MAST1: variants seen among roughly 807,000 people sequenced by gnomAD.
The protein encoded by MAST1 is microtubule-associated serine/threonine-protein kinase 1.
In MAST1, 40 loss-of-function variants were observed where a neutral mutation model predicts 124.6. The observed-to-expected ratio is 0.32, with a 90% confidence interval of 0.25 to 0.42. The LOEUF is 0.42. Ranked by LOEUF, MAST1 falls within the 10% of genes least tolerant of loss-of-function variation. The pLI, the probability that MAST1 is intolerant of heterozygous loss-of-function variation, is 1.00. For synonymous variants in MAST1, 938 were observed against 939.4 expected (o/e 1.00, Z 0.03); for missense variants, 1,558 against 2,181.9 (o/e 0.71, Z 5.70).
At position 12,873,452 on chromosome 19, in the gene MAST1, G is replaced by A; in HGVS notation, c.3392G>A (p.Gly1131Glu). 1 of 1,611,630 alleles carries A rather than the reference G, an allele frequency of 6.2e-7. No homozygotes were observed. Among genetic ancestry groups the A allele is most frequent in the Non-Finnish European group, 8.5e-7 (1 of 1,179,820 alleles). ...SDSLPGSPTHGLPARSPTHSY... is the reference protein window; with the variant it reads ...SDSLPGSPTHELPARSPTHSY... ...AGTCTCCCGGGCTCGCCTACGCACGGGCTGCCGGCGCGCTCGCCCACGCAC... is the reference window on the plus strand; with the variant it reads ...AGTCTCCCGGGCTCGCCTACGCACGAGCTGCCGGCGCGCTCGCCCACGCAC... The change falls in exon 25 of 26, where the codon GGG becomes GAG. Residue 1131 changes from glycine (G) to glutamate (E), a missense_variant. Coordinates refer to ENST00000251472, the MANE Select transcript of MAST1 (RefSeq NM_014975.3).
intron 12 of MAST1, among the ~76,000 whole-genome samples, chr19:12,859,171 C>T (rs2056001618): frequency 6.6e-6 from 1 of 152,094 alleles, no homozygotes. Context: ...CCTCCGACTC[C>T]CAGGCTCAAG....
chr19:12,864,027 C>G (rs1970118919), intron 12 of MAST1, among the ~76,000 whole-genome samples: 1 of 151,066 alleles, frequency 6.6e-6, no homozygotes, highest in Non-Finnish European at 1.5e-5. Flanking sequence ...CAGGTTCAAG[C>G]CATTCTTCTG....
At chr19:12,862,375 T>C (rs1970095079) in intron 12 of MAST1, among the ~76,000 whole-genome samples, 1 of 152,138 alleles carries the variant, frequency 6.6e-6, no homozygotes, top group South Asian at 2.1e-4. Context: ...TACTGCAGCC[T>C]TGAACTCCTG....
chr19:12,861,796 G>A (rs532013944), intron 12 of MAST1, among the ~76,000 whole-genome samples: 4 of 150,930 alleles, frequency 2.7e-5, no homozygotes, highest in East Asian at 2.0e-4. Flanking sequence ...TCCGCCTCCC[G>A]GGTTCAAGCG....
chr19:12,859,330 T>C (rs1970052337), intron 12 of MAST1, among the ~76,000 whole-genome samples: 1 of 152,184 alleles, frequency 6.6e-6, no homozygotes, highest in South Asian at 2.1e-4. Context: ...TCTGCCTGCC[T>C]GGGCCTCCCA....
In MAST1 at chr19:12,838,746, C is replaced by A; in HGVS notation, c.83+91C>A. 1.7e-6 allele frequency: 2 copies of A among 1,194,272 alleles called. No individual in the cohort carries two copies. The highest frequency in any genetic ancestry group is 1.2e-6 in the Non-Finnish European group (1 of 863,016). The allele number at this position is 1,194,272 out of a possible 1,614,324, so 74.0% of individuals were successfully genotyped here. A position where few individuals can be genotyped will look rare whatever the true frequency, so the allele number is the denominator to read the frequency against. ...CTGCAGGGCGGGGCCCGGGATGCTGCGCCCGGTCCAGCTGCGCCAGAGGTG... is the reference window on the plus strand; with the variant it reads ...CTGCAGGGCGGGGCCCGGGATGCTGAGCCCGGTCCAGCTGCGCCAGAGGTG... On this transcript the variant is annotated intron_variant, in intron 1 of 25. Transcript: ENST00000251472. This position sits in a 1 kb window ranked among gnomAD's most constrained non-coding sequence, Gnocchi z 4.3.
At position 12,858,693 on chromosome 19, in the gene MAST1, C is replaced by T. The variant is rs562548025; in HGVS notation, c.1320C>T (p.Ser440=). Residue 440 remains serine, a synonymous_variant, in exon 12 of 26, where the codon TCC becomes TCT. Transcript: ENST00000251472. ...ENPFVVGMFC[S]FETRRHLCMV... is the part of the protein sequence containing the mutation. ...CGTTTGTGGTCGGCATGTTCTGCTC[C>T]TTTGAGACTCGGCGCCACCTCTGCA... is the stretch of plus-strand genomic sequence containing the variant. 64 of 1,614,230 alleles carry T rather than the reference C, an allele frequency of 4.0e-5. No homozygotes were observed. Among genetic ancestry groups the T allele is most frequent in the Admixed American group, 8.3e-5 (5 of 60,030 alleles).
At chr19:12,844,991 A>G (rs569699916) in intron 4 of MAST1, among the ~76,000 whole-genome samples, 64 of 152,272 alleles carry the variant, frequency 4.2e-4, no homozygotes, top group South Asian at 1.5e-3. Flanking sequence ...CAGAGGAGTG[A>G]GCAATGTGAT....
chr19:12,860,741 G>GCC (rs1788346607), intron 12 of MAST1, among the ~76,000 whole-genome samples: 1 of 151,846 alleles, frequency 6.6e-6, no homozygotes, highest in African/African-American at 2.4e-5. Context: ...GCCATAGCTT[G>GCC]CGGCCCATAT....
Position 12,874,162 on chromosome 19 carries a change from G to C in MAST1, c.4005G>C (p.Glu1335Asp). The part of the protein sequence containing the change: ...QVAVRRLGRQ[E>D]SPLSLGADPL... ...CCGTCCGCCGCCTGGGCCGACAGGA[G>C]TCACCTTTGAGCCTGGGCGCGGACC... Residue 1335 changes from glutamate to aspartate, a missense_variant, in exon 26 of 26, where the codon GAG becomes GAC. Around this residue, in one of 10 missense-constraint regions of MAST1, gnomAD observed 263 missense variants for 310.9 expected, o/e 0.85. Coordinates refer to ENST00000251472, the MANE Select transcript of MAST1 (RefSeq NM_014975.3). This position sits in a 1 kb window ranked among gnomAD's most constrained non-coding sequence, Gnocchi z 6.6. 6.5e-7 allele frequency: 1 copy of C among 1,541,364 alleles called. No homozygotes were observed. The highest frequency in any genetic ancestry group is 1.2e-5 in the South Asian group (1 of 84,280).
intron 10 of MAST1, among the ~76,000 whole-genome samples, chr19:12,853,646 T>C (rs1969988464): frequency 1.3e-5 from 2 of 151,950 alleles, no homozygotes; most frequent in African/African-American, 2.4e-5. Flanking sequence ...GATGGGTGGA[T>C]CACTTGAGGT....
rs1397321786 is a variant in MAST1, at chr19:12,865,262, T to C, written c.1639-54T>C. The C allele has an allele frequency of 1.9e-6, 3 of 1,582,850 alleles. No individual in the cohort carries two copies. Among genetic ancestry groups the C allele is most frequent in the Non-Finnish European group, 2.6e-6 (3 of 1,163,710 alleles). On this transcript the variant is annotated intron_variant, in intron 14 of 25. Transcript: ENST00000251472. This position sits in a 1 kb window ranked among gnomAD's most constrained non-coding sequence, Gnocchi z 7.1. The stretch of plus-strand genomic sequence containing the variant: ...CCCAGGGCCTGGTGGGGGGCACAGC[T>C]CTCCCTTGAGGGCCCTCCTCTGGCT...
intron 7 of MAST1, 94 bp downstream of exon 7, chr19:12,848,151 G>T: frequency 3.3e-6 from 4 of 1,196,888 alleles, no homozygotes; most frequent in Non-Finnish European, 4.7e-6. Flanking sequence ...CATTCAGGGA[G>T]CTCCTACCAC....
At chr19:12,844,096 C>T (rs79305412) in intron 4 of MAST1, among the ~76,000 whole-genome samples, 7,932 of 152,306 alleles carry the variant, frequency 0.052, 717 homozygotes, top group African/African-American at 0.18. Context: ...CCGCCCCACT[C>T]AGAGCCCAAT....
rs767761780 is a variant in MAST1 at position 12,852,214 on chromosome 19, C to T, written c.976C>T (p.Arg326Cys). Residue 326 changes from arginine to cysteine, a missense_variant, in exon 9 of 26, where the codon CGC (arginine) becomes TGC (cysteine). By Grantham distance (180) the Arg-to-Cys change is radical. This residue lies in a region of MAST1 where 136 missense variants were observed against 160.9 expected (regional missense o/e 0.85). Transcript: ENST00000251472. ...GACGGACATCCCCCGCTACATCATC[C>T]GCCAGCTGGGCCTCACCCGTGACCC... Reference protein sequence around the residue: ...VKTDIPRYIIRQLGLTRDPFP... With the variant: ...VKTDIPRYIICQLGLTRDPFP... 3.2e-5 allele frequency: 51 copies of T among 1,613,978 alleles called. No individual in the cohort carries two copies. The highest frequency in any genetic ancestry group is 4.5e-5 in the East Asian group (2 of 44,886).
At position 12,847,739 on chromosome 19, in the gene MAST1, G is replaced by C; in HGVS notation, c.564+52G>C. Reference sequence around the variant, plus strand: ...GGGTGACCAGGCGGCCTGCACTCTCGCTCGCCTTATCCCCGCGCGCCCCCT... The same window carrying C: ...GGGTGACCAGGCGGCCTGCACTCTCCCTCGCCTTATCCCCGCGCGCCCCCT... On this transcript the variant is annotated intron_variant, in intron 6 of 25. Transcript: ENST00000251472. This position sits in a 1 kb window ranked among gnomAD's most constrained non-coding sequence, Gnocchi z 5.5. The C allele has an allele frequency of 1.3e-6, 2 of 1,599,498 alleles. No individual in the cohort carries two copies. Among genetic ancestry groups the C allele is most frequent in the East Asian group, 2.2e-5 (1 of 44,660 alleles).
intron 12 of MAST1, among the ~76,000 whole-genome samples, chr19:12,862,476 G>T (rs1421257576): frequency 1.3e-5 from 2 of 152,076 alleles, no homozygotes; most frequent in African/African-American, 2.4e-5. Context: ...GTTTTAAGAA[G>T]ATTTGATATG....
rs150791367 is a variant in MAST1 at position 12,843,138 on chromosome 19, G to T, written c.249-391G>T. ...CAATATTCTATGTCAGAACATGTTG[G>T]GGGGTGGGACGGGTCTTTTTTCTCT... On this transcript the variant is annotated intron_variant, in intron 3 of 25. Transcript: ENST00000251472. The surrounding 1 kb of genome is among the most constrained non-coding windows in gnomAD (Gnocchi z 4.9). Among the ~76,000 whole-genome samples, 2 of 152,116 alleles carry T rather than the reference G, an allele frequency of 1.3e-5. No individual in the cohort carries two copies. The highest frequency in any genetic ancestry group is 2.9e-5 in the Non-Finnish European group (2 of 68,026).
chr19:12,847,838 C>T lies in MAST1; in HGVS notation c.565-10C>T, dbSNP rs753738796. 125 of 1,605,130 alleles carry T rather than the reference C, an allele frequency of 7.8e-5. No homozygotes were observed. The highest frequency in any genetic ancestry group is 1.0e-4 in the Non-Finnish European group (122 of 1,175,972). On this transcript the variant is annotated splice_polypyrimidine_tract_variant and intron_variant, in intron 6 of 25. Coordinates refer to ENST00000251472, the MANE Select transcript of MAST1 (RefSeq NM_014975.3). This position sits in a 1 kb window ranked among gnomAD's most constrained non-coding sequence, Gnocchi z 5.5. ...CACAGCCCCGCGCCCCTCCTCCGTCCCTCCCGCAGGCCACTGCGCAGATGG... is the reference window on the plus strand; with the variant it reads ...CACAGCCCCGCGCCCCTCCTCCGTCTCTCCCGCAGGCCACTGCGCAGATGG...
Sources: allele counts gnomAD v4.1 joint callset (sites outside exome capture counted in the v4.1 genomes callset), GRCh38; gene constraint gnomAD v4.1.1; regional missense constraint gnomAD v4.1.1; non-coding constraint Gnocchi (gnomAD v3.1); transcripts MANE v1.5; gene names NCBI Gene and HGNC (gene_info 2026-07-23, HGNC 2026-07-21).